CDH12: variants seen among roughly 807,000 people sequenced by gnomAD.
CDH12 encodes the protein cadherin 12.
A neutral mutation model predicts 74.1 loss-of-function variants in CDH12; 41 were observed. The observed-to-expected ratio is 0.55, with a 90% CI of 0.43 to 0.72. The LOEUF (loss-of-function observed/expected upper bound fraction) is 0.72, where lower values mean the gene tolerates loss of function less well. Among genes scored for constraint, CDH12 ranks in the 30% least tolerant of loss-of-function variants. CDH12 has a pLI of 0.00. For missense variants in CDH12, 945 were observed against 977.2 expected, an observed-to-expected ratio of 0.97 and a Z score of 0.44; for synonymous variants, 399 against 355.0, an observed-to-expected ratio of 1.12 and a Z score of -1.39.
rs148027987 is a variant in CDH12, at chr5:22,435,524, G to GTGTATATA, written c.-427-30174_-427-30173insTATATACA. 3.0e-3 allele frequency among the ~76,000 whole-genome samples: 449 copies of GTGTATATA among 148,824 alleles called. 6 individuals are homozygous for GTGTATATA. The highest frequency in any genetic ancestry group is 0.01 in the African/African-American group (423 of 40,288). On this transcript the variant is annotated intron_variant, in intron 2 of 14. Coordinates refer to ENST00000382254, the MANE Select transcript of CDH12 (RefSeq NM_004061.5). ...TGTGTGTGTGTGTGTGTGTGTGTGT[G>GTGTATATA]TATATACATATATACTATTAGTTCA...
At chr5:22,076,900 T>C (rs1742356968) in intron 5 of CDH12, among the ~76,000 whole-genome samples, 1 of 152,108 alleles carries the variant, frequency 6.6e-6, no homozygotes, top group South Asian at 2.1e-4. Flanking sequence ...GGGCTCACTT[T>C]GACATTCTAC....
At chr5:22,778,928 TA>T in intron 1 of CDH12, among the ~76,000 whole-genome samples, 1 of 152,124 alleles carries the variant, frequency 6.6e-6, no homozygotes, top group Admixed American at 6.5e-5. Flanking sequence ...ATATTTAGAA[TA>T]AAAAACACTT....
chr5:22,814,217 A>G (rs527387356), intron 1 of CDH12, among the ~76,000 whole-genome samples: 46 of 152,326 alleles, frequency 3.0e-4, no homozygotes, highest in Non-Finnish European at 1.2e-4. Context: ...AGAAAGTACC[A>G]GATGGGAATC....
intron 5 of CDH12, among the ~76,000 whole-genome samples, chr5:22,075,424 C>T (rs1490076178): frequency 6.6e-6 from 1 of 151,874 alleles, no homozygotes; most frequent in East Asian, 1.9e-4. Context: ...AACAAACCTG[C>T]ACGTTGTGCA....
chr5:22,828,751 A>C (rs1245350151), intron 1 of CDH12, among the ~76,000 whole-genome samples: 1 of 152,202 alleles, frequency 6.6e-6, no homozygotes, highest in African/African-American at 2.4e-5. Flanking sequence ...AAGTACACAG[A>C]AATACAGGTA....
chr5:22,075,813 AC>A (rs1329197091), intron 5 of CDH12, among the ~76,000 whole-genome samples: 1 of 151,990 alleles, frequency 6.6e-6, no homozygotes, highest in East Asian at 1.9e-4. Context: ...GACAACTGAT[AC>A]TTTTCCTAGG....
chr5:22,544,126 C>A (rs543842539), intron 1 of CDH12, among the ~76,000 whole-genome samples: 1 of 151,976 alleles, frequency 6.6e-6, no homozygotes, highest in South Asian at 2.1e-4. Context: ...ATTGGTGCAT[C>A]ATTTACTTTT....
chr5:22,633,749 C>G (rs568102316), intron 1 of CDH12, among the ~76,000 whole-genome samples: 1 of 152,284 alleles, frequency 6.6e-6, no homozygotes, highest in African/African-American at 2.4e-5. Flanking sequence ...GGTTCTCAGG[C>G]TTTGAACCAG....
chr5:22,141,430 A>C, intron 4 of CDH12: 1 of 152,220 alleles, frequency 6.6e-6, no homozygotes, highest in Non-Finnish European at 1.5e-5. Flanking sequence ...ACACAACTTC[A>C]TTAGGAGAGA....
intron 4 of CDH12, among the ~76,000 whole-genome samples, chr5:22,171,118 A>C (rs192664470): frequency 2.0e-5 from 3 of 151,912 alleles, no homozygotes; most frequent in Non-Finnish European, 4.4e-5. Context: ...TGCATGGTCC[A>C]CTGAACAGCA....
chr5:22,692,706 C>A (rs185982604), intron 1 of CDH12, among the ~76,000 whole-genome samples: 1 of 152,108 alleles, frequency 6.6e-6, no homozygotes, highest in African/African-American at 2.4e-5. Flanking sequence ...AAAAAAGCAA[C>A]AAAATTATTA....
At chr5:22,292,347 T>G (rs1400249610) in intron 3 of CDH12, among the ~76,000 whole-genome samples, 4 of 148,218 alleles carry the variant, frequency 2.7e-5, no homozygotes, top group African/African-American at 9.8e-5. Flanking sequence ...TTTTGTTTTT[T>G]TTTTTTTTTT....
At chr5:21,958,735 C>T in intron 6 of CDH12, among the ~76,000 whole-genome samples, 1 of 152,112 alleles carries the variant, frequency 6.6e-6, no homozygotes. Context: ...CCTGATGCTT[C>T]CAGCTTTGTT....
At chr5:22,412,672 A>C (rs1743212340) in intron 2 of CDH12, among the ~76,000 whole-genome samples, 1 of 151,938 alleles carries the variant, frequency 6.6e-6, no homozygotes, top group Non-Finnish European at 1.5e-5. Flanking sequence ...CATATAATAT[A>C]AAAAGCTGCT....
intron 10 of CDH12, among the ~76,000 whole-genome samples, chr5:21,784,602 C>T (rs1746098019): frequency 6.6e-6 from 1 of 152,030 alleles, no homozygotes; most frequent in Non-Finnish European, 1.5e-5. Flanking sequence ...GCACAATACA[C>T]AAATTATTTG....
intron 5 of CDH12, among the ~76,000 whole-genome samples, chr5:22,050,462 G>A (rs1427239955): frequency 6.6e-6 from 1 of 152,066 alleles, no homozygotes; most frequent in Non-Finnish European, 1.5e-5. Flanking sequence ...CACAATACGT[G>A]CCTAATTTAA....
chr5:22,210,548 CAT>C (rs1423752035), intron 4 of CDH12, among the ~76,000 whole-genome samples: 2 of 151,446 alleles, frequency 1.3e-5, no homozygotes, highest in Admixed American at 6.6e-5. Flanking sequence ...TATAAGTAAA[CAT>C]GTGTATTGGG....
chr5:22,523,068 G>T (rs1353410462), intron 1 of CDH12, among the ~76,000 whole-genome samples: 1 of 152,086 alleles, frequency 6.6e-6, no homozygotes, highest in Non-Finnish European at 1.5e-5. Context: ...AATCCCTCCT[G>T]GTTGGCCTTA....
At chr5:22,212,791 G>GT (rs1751618373) in intron 3 of CDH12, 148 bp from the exon 4 acceptor site, 1 of 236,940 alleles carries the variant, frequency 4.2e-6, no homozygotes, top group African/African-American at 2.3e-5. Context: ...GGAGCCAGGC[G>GT]TTAATCATTG....
Sources: allele counts gnomAD v4.1 joint callset (sites outside exome capture counted in the v4.1 genomes callset), GRCh38; gene constraint gnomAD v4.1.1; transcripts MANE v1.5; gene names NCBI Gene and HGNC (gene_info 2026-07-23, HGNC 2026-07-21).